The following LRRK2 variants were observed in gnomAD, a reference collection of about 807,000 sequenced individuals.
The protein encoded by LRRK2 is leucine rich repeat kinase 2.
LRRK2 carries 203 observed loss-of-function variants against 302.6 expected under a neutral mutation model. The ratio of observed to expected loss-of-function variants is 0.67; its 90% CI spans 0.60 to 0.75. The LOEUF is 0.75. Ranked by LOEUF, LRRK2 falls within the 30% of genes least tolerant of loss-of-function variation. The pLI is 0.00. For synonymous variants in LRRK2, 1,066 were observed against 1,031.9 expected, an observed-to-expected ratio of 1.03 and a Z score of -0.63; for missense variants, 2,830 against 2,951.0, an observed-to-expected ratio of 0.96 and a Z score of 0.95.
chr12:40,337,398 C>T (rs1945904439), intron 40 of LRRK2, among the ~76,000 whole-genome samples: 1 of 152,174 alleles, frequency 6.6e-6, no homozygotes. Flanking sequence ...AAAATACAGT[C>T]AACTGCATTT....
chr12:40,273,025 AGGT>A (rs1448159847), intron 14 of LRRK2, among the ~76,000 whole-genome samples: 1 of 152,178 alleles, frequency 6.6e-6, no homozygotes, highest in African/African-American at 2.4e-5. Context: ...TACTCTCTCA[AGGT>A]TTATTCCATG....
At position 40,319,997 on chromosome 12, in the gene LRRK2, G is replaced by C. The variant is rs1479181193; in HGVS notation, c.4837G>C (p.Val1613Leu). 3 of 1,608,466 alleles carry C rather than the reference G, an allele frequency of 1.9e-6. No homozygotes were observed. Among genetic ancestry groups the C allele is most frequent in the Non-Finnish European group, 2.5e-6 (3 of 1,177,248 alleles). Residue 1613 changes from valine (V) to leucine (L), a missense_variant, in exon 34 of 51, where the codon GTG (valine) becomes CTG (leucine). Val to Leu is a conservative substitution (Grantham distance 32, BLOSUM62 1). Coordinates refer to ENST00000298910, the MANE Select transcript of LRRK2 (RefSeq NM_198578.4). Reference protein sequence around the residue: ...LCKIMAQILTVKVEGCPKHPK... With the variant: ...LCKIMAQILTLKVEGCPKHPK... ...GACTCGAATCTTTCAGATTTTGACA[G>C]TGAAAGTGGAAGGTTGTCCAAAACA...
chr12:40,308,493 C>G lies in LRRK2; in HGVS notation c.3986C>G (p.Ala1329Gly). The stretch of plus-strand genomic sequence containing the variant: ...TTTCTTCAACAGCGATTAAAAAAGG[C>G]TGTGCCTTATAACCGAATGAAACTT... Reference protein sequence around the residue: ...IRFLQQRLKKAVPYNRMKLMI... With the variant: ...IRFLQQRLKKGVPYNRMKLMI... The change falls in exon 29 of 51, where the codon GCT becomes GGT. Residue 1329 changes from alanine to glycine, a missense_variant. Ala to Gly is a moderately conservative substitution (Grantham distance 60, BLOSUM62 0). Transcript: ENST00000298910. 1 of 1,613,722 alleles carries G rather than the reference C, an allele frequency of 6.2e-7. No homozygotes were observed. The highest frequency in any genetic ancestry group is 8.5e-7 in the Non-Finnish European group (1 of 1,179,884).
At chr12:40,290,776 A>G (rs148617242) in intron 20 of LRRK2, among the ~76,000 whole-genome samples, 84 of 152,052 alleles carry the variant, frequency 5.5e-4, no homozygotes, top group African/African-American at 1.6e-3. Context: ...GATTTTCTCT[A>G]TTGTTTGTGT....
intron 46 of LRRK2, among the ~76,000 whole-genome samples, chr12:40,357,999 C>T (rs574229155): frequency 6.6e-6 from 1 of 152,198 alleles, no homozygotes; most frequent in Admixed American, 6.5e-5. Context: ...AACTCCTGGG[C>T]TCAAGCAATC....
intron 18 of LRRK2, among the ~76,000 whole-genome samples, chr12:40,281,958 A>G (rs985191774): frequency 1.2e-4 from 18 of 152,114 alleles, no homozygotes; most frequent in Non-Finnish European, 2.2e-4. Context: ...AGAGAAAAAA[A>G]AGTTACTGGG....
At chr12:40,227,322 T>G (rs1940948771) in intron 2 of LRRK2, among the ~76,000 whole-genome samples, 1 of 152,212 alleles carries the variant, frequency 6.6e-6, no homozygotes, top group Non-Finnish European at 1.5e-5. Flanking sequence ...ACGTTGCAAT[T>G]TCTTTCTTCT....
chr12:40,347,122 C>T (rs963811002), intron 42 of LRRK2, among the ~76,000 whole-genome samples, 199 bp downstream of exon 42: 4 of 151,952 alleles, frequency 2.6e-5, no homozygotes, highest in East Asian at 1.9e-4. Flanking sequence ...TTAAAAAATC[C>T]GCAATTAATA....
intron 40 of LRRK2, among the ~76,000 whole-genome samples, chr12:40,339,901 A>G (rs576970034): frequency 6.6e-6 from 1 of 152,210 alleles, no homozygotes; most frequent in Non-Finnish European, 1.5e-5. Flanking sequence ...GTACAACAAA[A>G]TCCCATCAAT....
At chr12:40,304,432 A>G in intron 27 of LRRK2, 1 of 410,530 alleles carries the variant, frequency 2.4e-6, no homozygotes, top group South Asian at 4.4e-5. Context: ...ACAATATGCT[A>G]TACTTATCAG....
intron 30 of LRRK2, among the ~76,000 whole-genome samples, chr12:40,309,790 G>A (rs1448540797): frequency 6.6e-6 from 1 of 152,134 alleles, no homozygotes. Context: ...CTGCTTGCAT[G>A]ATGCTGCAAT....
At chr12:40,306,002 T>A (rs1245856251) in intron 28 of LRRK2, 36 bp downstream of exon 28, 5 of 1,487,558 alleles carry the variant, frequency 3.4e-6, no homozygotes, top group African/African-American at 1.4e-5. Context: ...TTTACTAAAT[T>A]TATTTCAGAT....
chr12:40,295,801 C>G (rs1053618607), intron 23 of LRRK2, among the ~76,000 whole-genome samples, 157 bp downstream of exon 23: 1 of 152,116 alleles, frequency 6.6e-6, no homozygotes, highest in African/African-American at 2.4e-5. Flanking sequence ...ATATCTTAGT[C>G]TGTGTGATGT....
chr12:40,260,352 A>G (rs1942715558), intron 13 of LRRK2, among the ~76,000 whole-genome samples: 1 of 151,916 alleles, frequency 6.6e-6, no homozygotes, highest in African/African-American at 2.4e-5. Flanking sequence ...CGATGGAGGC[A>G]CAAATAATTT....
intron 3 of LRRK2, among the ~76,000 whole-genome samples, chr12:40,232,961 C>T (rs1418998173): frequency 6.6e-6 from 1 of 152,170 alleles, no homozygotes; most frequent in Non-Finnish European, 1.5e-5. Flanking sequence ...AGCATAATGG[C>T]TTCTTAGATG....
At chr12:40,280,295 C>T (rs137975515) in intron 18 of LRRK2, among the ~76,000 whole-genome samples, 362 of 151,610 alleles carry the variant, frequency 2.4e-3, no homozygotes, top group Non-Finnish European at 4.0e-3. Context: ...ACAAAACAAA[C>T]CAACAAGCAA....
In LRRK2 at chr12:40,287,470, G is replaced by A; in HGVS notation, c.2620G>A (p.Glu874Lys). ...FSEDVLSKFD[E>K]WTFIPDSSMD... ...TGAAGATGTGCTGTCTAAATTTGAT[G>A]AATGGACCTTTATTCCTGACTCTTC... Residue 874 changes from glutamate to lysine, a missense_variant, in exon 20 of 51, where the codon GAA becomes AAA. By Grantham distance (56) the Glu-to-Lys change is moderately conservative (BLOSUM62 1). This residue lies in a region of LRRK2 where 2,121 missense variants were observed against 2,148.0 expected (regional missense o/e 0.99). Transcript: ENST00000298910. 1 of 1,612,834 alleles carries A rather than the reference G, an allele frequency of 6.2e-7. No individual in the cohort carries two copies. Among genetic ancestry groups the A allele is most frequent in the Non-Finnish European group, 8.5e-7 (1 of 1,179,140 alleles).
At chr12:40,327,183 T>C (rs931673292) in intron 38 of LRRK2, among the ~76,000 whole-genome samples, 1 of 152,184 alleles carries the variant, frequency 6.6e-6, no homozygotes, top group African/African-American at 2.4e-5. Context: ...CTGATCATGG[T>C]CAGTTTGTGA....
At chr12:40,288,837 A>T (rs1230773754) in intron 20 of LRRK2, among the ~76,000 whole-genome samples, 1 of 151,606 alleles carries the variant, frequency 6.6e-6, no homozygotes, top group Non-Finnish European at 1.5e-5. Flanking sequence ...TGTATTGCAT[A>T]TTTTTTTCCC....
Sources: allele counts gnomAD v4.1 joint callset (sites outside exome capture counted in the v4.1 genomes callset), GRCh38; gene constraint gnomAD v4.1.1; regional missense constraint gnomAD v4.1.1; transcripts MANE v1.5; gene names NCBI Gene and HGNC (gene_info 2026-07-23, HGNC 2026-07-21).